Variants in ATG4B observed in about 807,000 individuals in gnomAD.
The protein encoded by ATG4B is autophagy related 4B cysteine peptidase.
A neutral mutation model predicts 56.6 loss-of-function variants in ATG4B; 29 were observed. The observed-to-expected ratio is 0.51, with a 90% CI of 0.38 to 0.70. ATG4B has a LOEUF of 0.70. Ranked by LOEUF, ATG4B falls within the 30% of genes least tolerant of loss-of-function variation. The pLI is 0.00. For synonymous variants in ATG4B, 224 were observed against 206.1 expected (o/e 1.09, Z -0.74); for missense variants, 461 against 515.5 (o/e 0.89, Z 1.02).
At chr2:241,650,753 G>A (rs1311713390) in intron 1 of ATG4B, among the ~76,000 whole-genome samples, 1 of 151,998 alleles carries the variant, frequency 6.6e-6, no homozygotes, top group Admixed American at 6.6e-5. Flanking sequence ...AAAGGCTCAG[G>A]AAGTAGCATG....
At chr2:241,665,200 G>GT (rs2068724917) in intron 7 of ATG4B, among the ~76,000 whole-genome samples, 1 of 152,210 alleles carries the variant, frequency 6.6e-6, no homozygotes, top group South Asian at 2.1e-4. Context: ...CTACAAAAAA[G>GT]TTCAGTGAGT....
intron 1 of ATG4B, among the ~76,000 whole-genome samples, chr2:241,648,589 G>A (rs1443176178): frequency 4.0e-5 from 5 of 125,962 alleles, no homozygotes; most frequent in African/African-American, 1.6e-4. Flanking sequence ...AATGAGTCCC[G>A]GTCTCAAAAA....
chr2:241,651,327 C>A lies in ATG4B; in HGVS notation c.176C>A (p.Pro59Gln). 6.3e-7 allele frequency: 1 copy of A among 1,596,068 alleles called. No individual in the cohort carries two copies. The highest frequency in any genetic ancestry group is 2.2e-5 in the East Asian group (1 of 44,552). ...TGGTTTACATACAGGAAAAACTTTC[C>A]AGCCATTGGTAAGTACTCTGTTTTA... Reference protein sequence around the residue: ...RLWFTYRKNFPAIGGTGPTSD... With the variant: ...RLWFTYRKNFQAIGGTGPTSD... The change falls in exon 3 of 13, where the codon CCA (proline) becomes CAA (glutamine). Residue 59 changes from proline (P) to glutamine (Q), a missense_variant. Transcript: ENST00000404914. This position sits in a 1 kb window ranked among gnomAD's most constrained non-coding sequence, Gnocchi z 4.1.
intron 1 of ATG4B, among the ~76,000 whole-genome samples, chr2:241,645,693 C>T (rs775123262): frequency 8.5e-5 from 13 of 152,210 alleles, no homozygotes; most frequent in Non-Finnish European, 1.9e-4. Flanking sequence ...CAGGAACGTG[C>T]TCCAGGTGTG....
At chr2:241,653,132 A>C (rs1050010503) in intron 3 of ATG4B, among the ~76,000 whole-genome samples, 1 of 152,256 alleles carries the variant, frequency 6.6e-6, no homozygotes, top group Non-Finnish European at 1.5e-5. Context: ...TGCTCTCAGC[A>C]GCACTGGATG....
chr2:241,648,246 C>G (rs2068121308), intron 1 of ATG4B, among the ~76,000 whole-genome samples: 1 of 152,110 alleles, frequency 6.6e-6, no homozygotes, highest in East Asian at 1.9e-4. Flanking sequence ...TCACAGTCAC[C>G]AAGCAGTTTG....
intron 7 of ATG4B, among the ~76,000 whole-genome samples, chr2:241,663,366 C>G (rs1234635745): frequency 6.6e-6 from 1 of 152,088 alleles, no homozygotes; most frequent in African/African-American, 2.4e-5. Flanking sequence ...CGTGTCAAAC[C>G]CTAGATTGTG....
chr2:241,657,852 T>A (rs907488241), intron 6 of ATG4B, among the ~76,000 whole-genome samples: 1 of 152,230 alleles, frequency 6.6e-6, no homozygotes, highest in Non-Finnish European at 1.5e-5. Context: ...CCGCCCTGGC[T>A]CTTCACTGCT....
rs867539845 is a variant in ATG4B at position 241,672,259 on chromosome 2, C to A, written c.1177C>A (p.Leu393Ile). 6.3e-7 allele frequency: 1 copy of A among 1,575,768 alleles called. No individual in the cohort carries two copies. Among genetic ancestry groups the A allele is most frequent in the East Asian group, 2.3e-5 (1 of 43,028 alleles). Residue 393 changes from leucine (L) to isoleucine (I), a missense_variant, in exon 13 of 13, where the codon CTT becomes ATT. By Grantham distance (5) the Leu-to-Ile change is conservative (BLOSUM62 2). Coordinates refer to ENST00000404914, the MANE Select transcript of ATG4B (RefSeq NM_013325.5). ...AGATGAAGACTTTGAAATCCTGTCC[C>A]TTTGAAAATCCTGGGGTCGGGGGTG... Reference protein sequence around the residue: ...SEDEDFEILSL With the variant: ...SEDEDFEILSI
rs1039820358 is a variant in ATG4B, at chr2:241,655,482, C to T, written c.458+139C>T. The T allele has an allele frequency of 3.4e-5, 28 of 829,514 alleles. No individual in the cohort carries two copies. In the African/African-American group the frequency reaches 4.5e-4, roughly 13 times the overall value. 51.4% of individuals were successfully genotyped at this position (829,514 alleles called of 1,614,324 possible). A position where few individuals can be genotyped will look rare whatever the true frequency, so the allele number is the denominator to read the frequency against. On this transcript the variant is annotated intron_variant, in intron 6 of 12. Coordinates refer to ENST00000404914, the MANE Select transcript of ATG4B (RefSeq NM_013325.5). ...TCATGGCCCTCAGAAGGTTTCTCAG[C>T]GATGACTGTGTTGAGGTCTTGTGAA... is the stretch of plus-strand genomic sequence containing the variant.
At position 241,642,871 on chromosome 2, in the gene ATG4B, C is replaced by CTTTTTTTTTTTTTTTTT. The variant is rs1321613822; in HGVS notation, c.10+5147_10+5148insTTTTTTTTTTTTTTTTT. On this transcript the variant is annotated intron_variant, in intron 1 of 12. Transcript: ENST00000404914. Reference sequence around the variant, plus strand: ...CTTAAGGTGTACAGCACCTCTCCGTCCTTTTTTTTTTTTTTTTTTTTTTTT... The same window carrying CTTTTTTTTTTTTTTTTT: ...CTTAAGGTGTACAGCACCTCTCCGTCTTTTTTTTTTTTTTTTTCTTTTTTTTTTTTTTTTTTTTTTTT... 2.2e-4 allele frequency among the ~76,000 whole-genome samples: 22 copies of CTTTTTTTTTTTTTTTTT among 98,428 alleles called. 8 individuals carry two copies. In the East Asian group the frequency reaches 4.1e-3, roughly 18 times the overall value. 64.6% of individuals were successfully genotyped at this position (98,428 alleles called of 152,430 possible). A position where few individuals can be genotyped will look rare whatever the true frequency, so the allele number is the denominator to read the frequency against.
In ATG4B at chr2:241,659,073, A is replaced by T. The variant is rs201927843; in HGVS notation, c.459-35A>T. The T allele has an allele frequency of 2.0e-6, 3 of 1,524,262 alleles. No individual in the cohort carries two copies. The East Asian group carries it at 6.8e-5, about 35-fold the overall frequency. The allele number at this position is 1,524,262 out of a possible 1,614,324, so 94.4% of individuals were successfully genotyped here. A position where few individuals can be genotyped will look rare whatever the true frequency, so the allele number is the denominator to read the frequency against. The stretch of plus-strand genomic sequence containing the variant: ...CAAAGATGAACCGTCTTTGAATTGT[A>T]CAAAAGCTTATGGTCATTCTCCTAC... On this transcript the variant is annotated intron_variant, in intron 6 of 12. Coordinates refer to ENST00000404914, the MANE Select transcript of ATG4B (RefSeq NM_013325.5).
At chr2:241,644,535 A>G (rs2068004608) in intron 1 of ATG4B, among the ~76,000 whole-genome samples, 1 of 152,180 alleles carries the variant, frequency 6.6e-6, no homozygotes, top group Non-Finnish European at 1.5e-5. Context: ...TCCTGTAGCT[A>G]TCGACCAGGC....
intron 1 of ATG4B, among the ~76,000 whole-genome samples, chr2:241,644,033 A>G (rs1383547780): frequency 1.3e-5 from 2 of 152,028 alleles, no homozygotes; most frequent in African/African-American, 4.8e-5. Context: ...GTCAGGCCTA[A>G]GTGGATCTCA....
At chr2:241,664,602 G>C (rs1209253833) in intron 7 of ATG4B, among the ~76,000 whole-genome samples, 2 of 151,844 alleles carry the variant, frequency 1.3e-5, no homozygotes, top group Admixed American at 6.6e-5. Context: ...ACCCATAATC[G>C]CACCTCTCAG....
chr2:241,669,916 ACAGT>A (rs1356144914), intron 10 of ATG4B, among the ~76,000 whole-genome samples: 4 of 152,172 alleles, frequency 2.6e-5, no homozygotes, highest in Admixed American at 6.5e-5. Flanking sequence ...TGGCACTCTA[ACAGT>A]CAGGTCAGGC....
intron 7 of ATG4B, among the ~76,000 whole-genome samples, chr2:241,664,701 T>C (rs567808153): frequency 2.6e-5 from 4 of 152,242 alleles, no homozygotes; most frequent in South Asian, 4.1e-4. Flanking sequence ...ACATGGCTCA[T>C]GTCTGTAATC....
In ATG4B at chr2:241,673,585, T is replaced by C. The variant is rs763080869; in HGVS notation, c.*1321T>C. On this transcript the variant is annotated 3_prime_UTR_variant, in exon 13 of 13. Transcript: ENST00000404914. ...CCCAGCCCCCCAAGCATTGAAGACATAGTGTATTTCCTCGTATCCTTTCTC... is the reference window on the plus strand; with the variant it reads ...CCCAGCCCCCCAAGCATTGAAGACACAGTGTATTTCCTCGTATCCTTTCTC... 6.1e-6 allele frequency: 2 copies of C among 329,316 alleles called. No individual in the cohort carries two copies. Among genetic ancestry groups the C allele is most frequent in the African/African-American group, 2.4e-5 (1 of 41,414 alleles). 20.4% of individuals were successfully genotyped at this position (329,316 alleles called of 1,614,324 possible).
intron 7 of ATG4B, among the ~76,000 whole-genome samples, chr2:241,662,899 C>T (rs929409127): frequency 2.8e-5 from 4 of 142,778 alleles, no homozygotes; most frequent in Non-Finnish European, 4.6e-5. Context: ...ATCAATAAAG[C>T]GGGCCGGGCA....
Sources: allele counts gnomAD v4.1 joint callset (sites outside exome capture counted in the v4.1 genomes callset), GRCh38; gene constraint gnomAD v4.1.1; non-coding constraint Gnocchi (gnomAD v3.1); transcripts MANE v1.5; gene names NCBI Gene and HGNC (gene_info 2026-07-23, HGNC 2026-07-21).